NTRK2: variants seen among roughly 807,000 people sequenced by gnomAD.
NTRK2 encodes the protein BDNF/NT-3 growth factors receptor.
Under a neutral mutation model 94.5 loss-of-function variants are expected in NTRK2, and 13 were observed. The observed-to-expected ratio is 0.14, with a 90% CI of 0.09 to 0.22. The LOEUF (loss-of-function observed/expected upper bound fraction) is 0.22, where lower values mean the gene tolerates loss of function less well. NTRK2 is among the 10% of genes least tolerant of loss of function. The pLI is 1.00. For missense variants in NTRK2, 639 were observed against 1,071.2 expected (o/e 0.60, Z 5.63); for synonymous variants, 372 against 407.4 (o/e 0.91, Z 1.05).
chr9:84,741,397 A>C (rs555424223), intron 9 of NTRK2, among the ~76,000 whole-genome samples: 2 of 152,196 alleles, frequency 1.3e-5, no homozygotes, highest in African/African-American at 4.8e-5. Context: ...TAAGGTGGAG[A>C]ATAAAATTGT....
intron 14 of NTRK2, among the ~76,000 whole-genome samples, chr9:84,878,504 C>G (rs997819750): frequency 6.6e-6 from 1 of 151,988 alleles, no homozygotes; most frequent in African/African-American, 2.4e-5. Context: ...CATGGTGGCT[C>G]ATGCCAGTAG....
chr9:84,862,951 C>T (rs2075401369), intron 13 of NTRK2, among the ~76,000 whole-genome samples: 1 of 152,084 alleles, frequency 6.6e-6, no homozygotes, highest in Non-Finnish European at 1.5e-5. Flanking sequence ...GTGAGCCTCA[C>T]ATCTGGAAGG....
At chr9:84,845,080 C>T (rs1277705905) in intron 12 of NTRK2, among the ~76,000 whole-genome samples, 1 of 152,124 alleles carries the variant, frequency 6.6e-6, no homozygotes, top group Non-Finnish European at 1.5e-5. Flanking sequence ...AGTAGAACTA[C>T]CATTCGATCC....
In NTRK2 at chr9:84,710,808, T is replaced by G; in HGVS notation, c.583+17T>G. On this transcript the variant is annotated intron_variant, in intron 6 of 18. Transcript: ENST00000277120. ...CCAATTGTGGTAATTTATTTTTAAA[T>G]CAATGTGTTCTAGTTGCTATTAATT... is the stretch of plus-strand genomic sequence containing the variant. The G allele has an allele frequency of 2.5e-6, 4 of 1,613,598 alleles. No homozygotes were observed. The East Asian group carries it at 6.7e-5, about 27-fold the overall frequency.
chr9:84,980,890 A>G (rs1361102061), intron 17 of NTRK2, among the ~76,000 whole-genome samples: 1 of 152,246 alleles, frequency 6.6e-6, no homozygotes, highest in Non-Finnish European at 1.5e-5. Flanking sequence ...GCAGACTTCA[A>G]GAGAGCAGGT....
intron 9 of NTRK2, among the ~76,000 whole-genome samples, chr9:84,739,161 G>A (rs966626203): frequency 7.2e-5 from 11 of 151,884 alleles, no homozygotes; most frequent in Non-Finnish European, 1.0e-4. Flanking sequence ...AGCGATTCTC[G>A]TGCCTCAGCC....
At chr9:84,771,601 A>G (rs2066550585) in intron 12 of NTRK2, among the ~76,000 whole-genome samples, 2 of 152,198 alleles carry the variant, frequency 1.3e-5, no homozygotes, top group African/African-American at 4.8e-5. Flanking sequence ...AGTCATCAGC[A>G]TTTATCGCAG....
At chr9:84,839,040 T>A (rs1306830349) in intron 12 of NTRK2, among the ~76,000 whole-genome samples, 4 of 152,134 alleles carry the variant, frequency 2.6e-5, no homozygotes, top group Non-Finnish European at 5.9e-5. Flanking sequence ...GACCTCACTT[T>A]CTTTATGACT....
chr9:84,751,898 A>G (rs1230144048), intron 11 of NTRK2, 88 bp from the exon 12 acceptor site: 1 of 997,598 alleles, frequency 1.0e-6, no homozygotes, highest in Non-Finnish European at 1.6e-6. Flanking sequence ...AACTGCCTGT[A>G]TCATTATCAT....
intron 10 of NTRK2, among the ~76,000 whole-genome samples, chr9:84,744,032 C>A (rs1365180301): frequency 6.6e-6 from 1 of 152,104 alleles, no homozygotes; most frequent in Non-Finnish European, 1.5e-5. Context: ...TTAGCTGGGG[C>A]TGCATTAACA....
At chr9:84,945,778 G>A (rs955611520) in intron 15 of NTRK2, among the ~76,000 whole-genome samples, 2 of 152,182 alleles carry the variant, frequency 1.3e-5, no homozygotes, top group Admixed American at 6.5e-5. Flanking sequence ...CAGCCCCATC[G>A]AAGCTTTATG....
At chr9:84,783,911 T>C (rs2067866113) in intron 12 of NTRK2, among the ~76,000 whole-genome samples, 1 of 152,082 alleles carries the variant, frequency 6.6e-6, no homozygotes, top group African/African-American at 2.4e-5. Flanking sequence ...ATTAAGTGTA[T>C]GCTATAGAAA....
chr9:84,794,278 G>A (rs1588642719), intron 12 of NTRK2, among the ~76,000 whole-genome samples: 1 of 152,184 alleles, frequency 6.6e-6, no homozygotes, highest in Non-Finnish European at 1.5e-5. Flanking sequence ...ATAGGCAGGA[G>A]CCATCACCCG....
intron 17 of NTRK2, among the ~76,000 whole-genome samples, chr9:84,981,266 T>TG (rs556610816): frequency 8.3e-5 from 1 of 12,012 alleles, no homozygotes; most frequent in Non-Finnish European, 1.9e-4. Context: ...TGTTTTGTTG[T>TG]TTTTTTTTTA....
rs551310223 is a variant in NTRK2, at chr9:84,741,892, G to A, written c.1160G>A (p.Gly387Asp). The change falls in exon 10 of 19, where the codon GGT becomes GAT. Residue 387 changes from glycine (G) to aspartate (D), a missense_variant and splice_region_variant. By Grantham distance (94) the Gly-to-Asp change is moderately conservative. Around this residue, in one of 5 missense-constraint regions of NTRK2, gnomAD observed 343 missense variants for 571.5 expected, o/e 0.60. Coordinates refer to ENST00000277120, the MANE Select transcript of NTRK2 (RefSeq NM_006180.6). ...ATCTTTGCTCTGTTTTGCCTTTTAGGTGCAAACCCAAATTATCCTGATGTA... is the reference window on the plus strand; with the variant it reads ...ATCTTTGCTCTGTTTTGCCTTTTAGATGCAAACCCAAATTATCCTGATGTA... Reference protein sequence around the residue: ...HFMGWPGIDDGANPNYPDVIY... With the variant: ...HFMGWPGIDDDANPNYPDVIY... 1.9e-6 allele frequency: 3 copies of A among 1,612,858 alleles called. No homozygotes were observed. In the African/African-American group the frequency reaches 4.0e-5, roughly 22 times the overall value.
intron 9 of NTRK2, among the ~76,000 whole-genome samples, chr9:84,736,364 G>T (rs1010403105): frequency 6.6e-6 from 1 of 152,142 alleles, no homozygotes; most frequent in South Asian, 2.1e-4. Context: ...TTCTCCTTCC[G>T]TGCTGTTTTA....
At chr9:84,791,904 T>G (rs549614943) in intron 12 of NTRK2, among the ~76,000 whole-genome samples, 7 of 152,202 alleles carry the variant, frequency 4.6e-5, no homozygotes, top group Non-Finnish European at 8.8e-5. Context: ...AGAGATGGTT[T>G]AGTTTCAGAT....
intron 14 of NTRK2, among the ~76,000 whole-genome samples, chr9:84,882,281 C>T (rs1460806707): frequency 1.3e-5 from 2 of 152,194 alleles, no homozygotes; most frequent in Non-Finnish European, 2.9e-5. Flanking sequence ...AGATGGGTAT[C>T]TGCAACTTTC....
intron 14 of NTRK2, among the ~76,000 whole-genome samples, chr9:84,891,397 C>A (rs1010652499): frequency 1.3e-5 from 2 of 151,972 alleles, no homozygotes; most frequent in African/African-American, 4.8e-5. Context: ...GCCATCAAAG[C>A]AATAGTGCAC....
Sources: gnomAD v4.1 joint callset for allele counts (sites outside exome capture counted in the v4.1 genomes callset) on GRCh38, gnomAD v4.1.1 for gene constraint, gnomAD v4.1.1 regional missense constraint, MANE v1.5 for transcripts, NCBI Gene and HGNC (gene_info 2026-07-23, HGNC 2026-07-21) for gene names.